Variants in NIPBL observed in about 807,000 individuals in gnomAD.
The protein encoded by NIPBL is nipped-B-like protein.
A neutral mutation model predicts 321.8 loss-of-function variants in NIPBL; 19 were observed. The ratio of observed to expected loss-of-function variants is 0.06; its 90% CI spans 0.04 to 0.09. NIPBL has a LOEUF of 0.09. Ranked by LOEUF, NIPBL falls within the 10% of genes least tolerant of loss-of-function variation. NIPBL has a pLI of 1.00. For missense variants in NIPBL, 2,210 were observed against 3,327.0 expected (o/e 0.66, Z 8.26); for synonymous variants, 1,106 against 1,114.1 (o/e 0.99, Z 0.14).
chr5:37,059,316 G>A (rs1754418669), intron 44 of NIPBL, 151 bp downstream of exon 44: 1 of 749,752 alleles, frequency 1.3e-6, no homozygotes, highest in East Asian at 2.6e-5. Context: ...AGACCAGCCT[G>A]GCCAACATGG....
Position 36,972,139 on chromosome 5 carries a change from A to AT in NIPBL, c.868+107dup, listed in dbSNP as rs112950820. On this transcript the variant is annotated intron_variant, in intron 8 of 46. Transcript: ENST00000282516. ...AGCAGATATTAAAAAGTTATTCTGT[A>AT]TTTTTTTTTCATTGTAGAAAAAAAA... is the stretch of plus-strand genomic sequence containing the variant. 1.2e-3 allele frequency: 920 copies of AT among 788,868 alleles called. 7 individuals carry two copies. The East Asian group carries it at 0.013, about 11-fold the overall frequency. 48.9% of individuals were successfully genotyped at this position (788,868 alleles called of 1,614,324 possible). A position where few individuals can be genotyped will look rare whatever the true frequency, so the allele number is the denominator to read the frequency against.
chr5:36,963,014 T>C (rs2149608865), intron 6 of NIPBL, among the ~76,000 whole-genome samples: 1 of 152,258 alleles, frequency 6.6e-6, no homozygotes, highest in South Asian at 2.1e-4. Context: ...AAATTTACTG[T>C]AGTACAGTAA....
chr5:36,879,669 AG>A (rs1745360667), intron 1 of NIPBL, among the ~76,000 whole-genome samples: 1 of 152,162 alleles, frequency 6.6e-6, no homozygotes, highest in Non-Finnish European at 1.5e-5. Flanking sequence ...ATTCAGTGAA[AG>A]GAGAAATCAG....
intron 1 of NIPBL, among the ~76,000 whole-genome samples, chr5:36,924,806 T>A (rs565749111): frequency 2.0e-4 from 30 of 152,302 alleles, no homozygotes; most frequent in South Asian, 8.3e-4. Context: ...CTTTTAAGAT[T>A]TCCTTGTCCT....
At chr5:36,962,342 T>A (rs1398343853) in intron 6 of NIPBL, 68 bp downstream of exon 6, 1 of 1,529,646 alleles carries the variant, frequency 6.5e-7, no homozygotes, top group East Asian at 2.3e-5. Context: ...ATTTGTTTTT[T>A]AAAATATAAT....
intron 32 of NIPBL, among the ~76,000 whole-genome samples, chr5:37,034,491 G>A (rs922872892): frequency 6.6e-6 from 1 of 152,054 alleles, no homozygotes; most frequent in Non-Finnish European, 1.5e-5. Flanking sequence ...CAAAAGAGTG[G>A]ATAAATGAAT....
At chr5:36,947,410 C>G (rs956018212) in intron 1 of NIPBL, among the ~76,000 whole-genome samples, 2 of 152,008 alleles carry the variant, frequency 1.3e-5, no homozygotes, top group African/African-American at 2.4e-5. Context: ...CTTTCTCCCC[C>G]ACCCTATCTT....
chr5:36,969,087 A>C (rs775431735), intron 6 of NIPBL, among the ~76,000 whole-genome samples: 1 of 152,240 alleles, frequency 6.6e-6, no homozygotes, highest in Non-Finnish European at 1.5e-5. Context: ...CAAGATACCT[A>C]GGAATAAATT....
chr5:36,925,843 T>A (rs1392269368), intron 1 of NIPBL, among the ~76,000 whole-genome samples: 2 of 152,202 alleles, frequency 1.3e-5, no homozygotes, highest in Admixed American at 6.5e-5. Flanking sequence ...TGCTTTCCAT[T>A]CTTACTTATT....
At chr5:36,903,220 TAGTTTGACTTTCTCTCTTCCTATTC>T (rs752471660) in intron 1 of NIPBL, among the ~76,000 whole-genome samples, 6 of 152,194 alleles carry the variant, frequency 3.9e-5, no homozygotes, top group Non-Finnish European at 7.3e-5. Flanking sequence ...TGAGGAAAGA[TAGTTTGACTTTCTCTCTTCCTATTC>T]AGATGCCTTT....
At chr5:36,986,854 T>A (rs1744867086) in intron 10 of NIPBL, among the ~76,000 whole-genome samples, 1 of 152,170 alleles carries the variant, frequency 6.6e-6, no homozygotes, top group Non-Finnish European at 1.5e-5. Context: ...ACTTACTTTT[T>A]AAATTTGGTT....
rs139851283 is a variant in NIPBL at position 37,057,009 on chromosome 5, CCCT to C, written c.7264-169_7264-167del. On this transcript the variant is annotated intron_variant, in intron 42 of 46. Transcript: ENST00000282516. ...CTTTTTCCCCCCTCTATATTTCTCT[CCCT>C]CCTCCTCTCCCTCTGTCTCTCTGTG... Among the ~76,000 whole-genome samples, 1,094 of 151,920 alleles carry C rather than the reference CCCT, an allele frequency of 7.2e-3. 16 individuals carry two copies. Among genetic ancestry groups the C allele is most frequent in the African/African-American group, 0.025 (1,020 of 41,406 alleles).
intron 1 of NIPBL, among the ~76,000 whole-genome samples, chr5:36,928,371 C>T (rs143710045): frequency 7.2e-5 from 11 of 152,066 alleles, no homozygotes; most frequent in Non-Finnish European, 1.3e-4. Context: ...ATTAATACAA[C>T]CAAATCACAG....
intron 1 of NIPBL, among the ~76,000 whole-genome samples, chr5:36,943,981 C>T (rs1020440487): frequency 2.0e-5 from 3 of 152,012 alleles, no homozygotes; most frequent in Admixed American, 2.0e-4. Flanking sequence ...AGAATAAAAA[C>T]ACATATGGTT....
In NIPBL at chr5:36,976,363, A is replaced by G. The variant is rs886044139; in HGVS notation, c.1456A>G (p.Ile486Val). 8 of 1,611,214 alleles carry G rather than the reference A, an allele frequency of 5.0e-6. No individual in the cohort carries two copies. Among genetic ancestry groups the G allele is most frequent in the Non-Finnish European group, 6.8e-6 (8 of 1,179,810 alleles). ...TGAGCGAATAGAGAGAGAATCAGCT[A>G]TTGAAAGGGAGCGCTTCTCAAAAGA... is the stretch of plus-strand genomic sequence containing the variant. Reference protein sequence around the residue: ...EIERIERESAIERERFSKEVQ... With the variant: ...EIERIERESAVERERFSKEVQ... Residue 486 changes from isoleucine (I) to valine (V), a missense_variant, in exon 9 of 47, where the codon ATT (isoleucine) becomes GTT (valine). Ile to Val is a conservative substitution (Grantham distance 29). Around this residue, in one of 14 missense-constraint regions of NIPBL, gnomAD observed 464 missense variants for 529.5 expected, o/e 0.88. Coordinates refer to ENST00000282516, the MANE Select transcript of NIPBL (RefSeq NM_133433.4).
chr5:37,014,975 T>G (rs2149688991), intron 22 of NIPBL, among the ~76,000 whole-genome samples: 1 of 152,256 alleles, frequency 6.6e-6, no homozygotes, highest in Middle Eastern at 3.4e-3. Context: ...AAATCTAAAA[T>G]TTTGTGAATT....
At chr5:37,005,452 G>A (rs559364005) in intron 16 of NIPBL, among the ~76,000 whole-genome samples, 1 of 152,178 alleles carries the variant, frequency 6.6e-6, no homozygotes, top group South Asian at 2.1e-4. Flanking sequence ...CCTAAAAACC[G>A]TAACAGTATT....
chr5:36,983,898 C>A (rs994620687), intron 9 of NIPBL, among the ~76,000 whole-genome samples: 1 of 151,894 alleles, frequency 6.6e-6, no homozygotes, highest in South Asian at 2.1e-4. Context: ...AACTTTATAT[C>A]GAAGAGTAGG....
chr5:36,885,814 G>A (rs1745854805), intron 1 of NIPBL: 2 of 654,476 alleles, frequency 3.1e-6, no homozygotes, highest in African/African-American at 1.8e-5. Context: ...CAGACATCGA[G>A]GCTCTCAGGG....
Sources: allele counts gnomAD v4.1 joint callset (sites outside exome capture counted in the v4.1 genomes callset), GRCh38; gene constraint gnomAD v4.1.1; regional missense constraint gnomAD v4.1.1; transcripts MANE v1.5; gene names NCBI Gene and HGNC (gene_info 2026-07-23, HGNC 2026-07-21).